EPYC: variants seen among roughly 807,000 people sequenced by gnomAD.
EPYC encodes epiphycan, also known as dermatan sulfate proteoglycan 3.
A neutral mutation model predicts 30.1 loss-of-function variants in EPYC; 28 were observed. That is an observed-to-expected ratio of 0.93 (90% CI 0.69 to 1.28). EPYC has a LOEUF of 1.28. Ranked by LOEUF, EPYC falls within the 50% of genes most tolerant of loss-of-function variation. EPYC has a pLI of 0.00. For missense variants in EPYC, 382 were observed against 383.5 expected, an observed-to-expected ratio of 1.00 and a Z score of 0.03; for synonymous variants, 144 against 141.4, an observed-to-expected ratio of 1.02 and a Z score of -0.13.
intron 6 of EPYC, among the ~76,000 whole-genome samples, chr12:90,967,137 T>A (rs10859085): frequency 1.3e-5 from 2 of 151,348 alleles, no homozygotes; most frequent in Non-Finnish European, 3.0e-5. Flanking sequence ...TTATTTCTAT[T>A]CTGCTTGCTT....
chr12:90,968,463 T>A (rs756928785), intron 6 of EPYC, among the ~76,000 whole-genome samples: 27 of 152,192 alleles, frequency 1.8e-4, no homozygotes, highest in Non-Finnish European at 3.5e-4. Context: ...CTATACTACA[T>A]GTTGGCAAAC....
At position 90,997,500 on chromosome 12, in the gene EPYC, C is replaced by A. The variant is rs79604003; in HGVS notation, c.165+4901G>T. Among the ~76,000 whole-genome samples the A allele has an allele frequency of 3.0e-3, 460 of 152,124 alleles. 4 individuals are homozygous for A. The highest frequency in any genetic ancestry group is 0.01 in the African/African-American group (422 of 41,540). ...AAGTTGAAGCCCCCTCCAACCTAAG[C>A]AAAATGAAATATAAATAACTTAAAA... On this transcript the variant is annotated intron_variant, in intron 2 of 6. Coordinates refer to ENST00000261172, the MANE Select transcript of EPYC (RefSeq NM_004950.5).
chr12:90,983,926 G>A (rs1055895479), intron 2 of EPYC, among the ~76,000 whole-genome samples: 14 of 152,072 alleles, frequency 9.2e-5, no homozygotes, highest in African/African-American at 3.4e-4. Flanking sequence ...GGAATTTTAG[G>A]ATCCCTCCTC....
In EPYC at chr12:90,978,112, C is replaced by G; in HGVS notation, c.316G>C (p.Val106Leu). 1 of 1,585,070 alleles carries G rather than the reference C, an allele frequency of 6.3e-7. No individual in the cohort carries two copies. The highest frequency in any genetic ancestry group is 8.5e-7 in the Non-Finnish European group (1 of 1,169,854). Reference sequence around the variant, plus strand: ...CCTTCATTTGTGTGTGGCCCCAGAACCCCTGTGAATTCAGGCTCCTGGGGA... The same window carrying G: ...CCTTCATTTGTGTGTGGCCCCAGAAGCCCTGTGAATTCAGGCTCCTGGGGA... ...SSPQEPEFTG[V>L]LGPHTNEDFP... Residue 106 changes from valine to leucine, a missense_variant, in exon 3 of 7, where the codon GTT (valine) becomes CTT (leucine). Transcript: ENST00000261172.
At chr12:90,976,329 A>G (rs897124987) in intron 3 of EPYC, among the ~76,000 whole-genome samples, 4 of 152,176 alleles carry the variant, frequency 2.6e-5, no homozygotes, top group African/African-American at 9.7e-5. Context: ...CTCCTTTATC[A>G]ATAGAATTTT....
chr12:90,971,180 C>A (rs7959357), intron 5 of EPYC, among the ~76,000 whole-genome samples: 109,564 of 151,926 alleles, frequency 0.72, 41,427 homozygotes, highest in Non-Finnish European at 0.83. Flanking sequence ...CTGGCTTGTA[C>A]CACTTCCAGG....
chr12:91,002,596 A>C lies in EPYC; in HGVS notation c.-13-18T>G, dbSNP rs7963573. 5.0e-3 allele frequency: 7,689 copies of C among 1,535,316 alleles called. 318 individuals are homozygous for C. The African/African-American group carries it at 0.091, about 18-fold the overall frequency. On this transcript the variant is annotated intron_variant, in intron 1 of 6. Coordinates refer to ENST00000261172, the MANE Select transcript of EPYC (RefSeq NM_004950.5). ...AAGCTTTCCTAATTATAAAATATTA[A>C]AATGCATAAATATTTAATTGATAAC... is the stretch of plus-strand genomic sequence containing the variant.
chr12:90,968,296 T>C (rs1876950968), intron 6 of EPYC, among the ~76,000 whole-genome samples: 2 of 152,224 alleles, frequency 1.3e-5, no homozygotes, highest in Admixed American at 1.3e-4. Context: ...TTAAATGCTT[T>C]ATAAACATTG....
Position 90,974,034 on chromosome 12 carries a change from A to T in EPYC, c.341-1054T>A, listed in dbSNP as rs371291038. Among the ~76,000 whole-genome samples the T allele has an allele frequency of 3.4e-3, 325 of 96,060 alleles. 2 individuals carry two copies. Among genetic ancestry groups the T allele is most frequent in the South Asian group, 0.016 (39 of 2,390 alleles). 63.0% of individuals were successfully genotyped at this position (96,060 alleles called of 152,430 possible). The stretch of plus-strand genomic sequence containing the variant: ...CTGATTTTTCTTTTCTGTCTTACAC[A>T]CACTCACACACACACACACACACAC... On this transcript the variant is annotated intron_variant, in intron 3 of 6. Coordinates refer to ENST00000261172, the MANE Select transcript of EPYC (RefSeq NM_004950.5).
At chr12:90,985,403 G>A (rs760572618) in intron 2 of EPYC, among the ~76,000 whole-genome samples, 1 of 152,106 alleles carries the variant, frequency 6.6e-6, no homozygotes, top group Non-Finnish European at 1.5e-5. Flanking sequence ...ACAGATATGA[G>A]GAGAAAGCTC....
intron 2 of EPYC, among the ~76,000 whole-genome samples, chr12:90,984,410 T>A (rs372718760): frequency 1.8e-4 from 28 of 152,216 alleles, no homozygotes; most frequent in African/African-American, 6.5e-4. Context: ...GGCTCACCCT[T>A]AAAATGCATC....
chr12:90,985,140 C>G (rs1201304794), intron 2 of EPYC, among the ~76,000 whole-genome samples: 1 of 152,146 alleles, frequency 6.6e-6, no homozygotes, highest in Non-Finnish European at 1.5e-5. Flanking sequence ...TGGATCCCCA[C>G]TGGGACCTCG....
intron 4 of EPYC, 73 bp downstream of exon 4, chr12:90,972,749 C>T (rs2120808423): frequency 1.5e-6 from 2 of 1,323,446 alleles, no homozygotes; most frequent in East Asian, 2.5e-5. Flanking sequence ...ATTCTCAGTG[C>T]TAACATTTAA....
At chr12:90,980,912 C>T (rs943827014) in intron 2 of EPYC, among the ~76,000 whole-genome samples, 6 of 152,112 alleles carry the variant, frequency 3.9e-5, no homozygotes, top group South Asian at 2.1e-4. Context: ...GTCATTACTA[C>T]GTATGACTTT....
At chr12:91,001,814 T>C (rs1188566788) in intron 2 of EPYC, among the ~76,000 whole-genome samples, 1 of 152,072 alleles carries the variant, frequency 6.6e-6, no homozygotes, top group Non-Finnish European at 1.5e-5. Context: ...TTTCTAATTT[T>C]CTCTGTTCTA....
At position 90,970,056 on chromosome 12, in the gene EPYC, G is replaced by C. The variant is rs373217583; in HGVS notation, c.786C>G (p.Ala262=). 2.8e-5 allele frequency: 45 copies of C among 1,613,496 alleles called. No homozygotes were observed. In the African/African-American group the frequency reaches 4.9e-4, roughly 18 times the overall value. ...IPLPLPENLR[A]LHLQNNNILE... Reference sequence around the variant, plus strand: ...GGTAGACTCCTACCTGGAGGTGAAGGGCTCGTAGATTTTCTGGGAGTGGCA... The same window carrying C: ...GGTAGACTCCTACCTGGAGGTGAAGCGCTCGTAGATTTTCTGGGAGTGGCA... The change falls in exon 6 of 7, where the codon GCC becomes GCG. Residue 262 remains alanine, a synonymous_variant. Coordinates refer to ENST00000261172, the MANE Select transcript of EPYC (RefSeq NM_004950.5).
chr12:90,976,160 G>T (rs912353943), intron 3 of EPYC, among the ~76,000 whole-genome samples: 2 of 152,024 alleles, frequency 1.3e-5, no homozygotes, highest in Non-Finnish European at 2.9e-5. Context: ...AGAGTAAAAT[G>T]GTGGTTATCA....
rs183846621 is a variant in EPYC, at chr12:90,972,914, T to G, written c.407A>C (p.Asp136Ala). The G allele has an allele frequency of 6.2e-7, 1 of 1,612,832 alleles. No homozygotes were observed. ...GTTCTTTGGCAGCGGAGGAATAGCA[T>G]CAAGTTCATGGTCATCACAGTACAC... Reference protein sequence around the residue: ...TTVYCDDHELDAIPPLPKNTA... With the variant: ...TTVYCDDHELAAIPPLPKNTA... The change falls in exon 4 of 7, where the codon GAT (aspartate) becomes GCT (alanine). Residue 136 changes from aspartate (D) to alanine (A), a missense_variant. Transcript: ENST00000261172.
At chr12:90,993,716 C>T (rs1877637536) in intron 2 of EPYC, among the ~76,000 whole-genome samples, 1 of 150,800 alleles carries the variant, frequency 6.6e-6, no homozygotes, top group Admixed American at 6.6e-5. Context: ...TATGATATAG[C>T]AGATAATATA....
Sources: gnomAD v4.1 joint callset for allele counts (sites outside exome capture counted in the v4.1 genomes callset) on GRCh38, gnomAD v4.1.1 for gene constraint, MANE v1.5 for transcripts, NCBI Gene and HGNC (gene_info 2026-07-23, HGNC 2026-07-21) for gene names.